Variants in LAMA5 observed in about 807,000 individuals in gnomAD.
LAMA5 encodes the protein laminin subunit alpha 5.
LAMA5 carries 260 observed loss-of-function variants against 433.4 expected under a neutral mutation model. The observed-to-expected ratio is 0.60, with a 90% confidence interval of 0.54 to 0.66. The LOEUF (loss-of-function observed/expected upper bound fraction) is 0.66. LAMA5 is among the 30% of genes least tolerant of loss of function. LAMA5 has a pLI of 0.00. For missense variants in LAMA5, 5,378 were observed against 5,258.5 expected, an observed-to-expected ratio of 1.02 and a Z score of -0.70; for synonymous variants, 2,620 against 2,226.6, an observed-to-expected ratio of 1.18 and a Z score of -4.97.
At chr20:62,322,201 C>T (rs1462814979) in intron 47 of LAMA5, 33 bp from the exon 48 acceptor site, 98 of 1,571,958 alleles carry the variant, frequency 6.2e-5, no homozygotes, top group Non-Finnish European at 8.4e-5. Flanking sequence ...GCATGGCTGG[C>T]CTGGGACCTT....
In LAMA5 at chr20:62,337,718, C is replaced by A. The variant is rs747901097; in HGVS notation, c.2036G>T (p.Cys679Phe). The A allele has an allele frequency of 3.1e-6, 5 of 1,608,784 alleles. No homozygotes were observed. The African/African-American group carries it at 5.3e-5, about 17-fold the overall frequency. The stretch of plus-strand genomic sequence containing the variant: ...TGCGTGCAGGGAGCCTTCAGCAGAG[C>A]AGTGGCAGGCTGCAGACAAGGATAG... ...HGFPSCVPCH[C>F]SAEGSLHAAC... Residue 679 changes from cysteine to phenylalanine, a missense_variant, in exon 16 of 80, where the codon TGC becomes TTC. Physicochemically the swap from Cys to Phe is radical, Grantham distance 205. Coordinates refer to ENST00000252999, the MANE Select transcript of LAMA5 (RefSeq NM_005560.6).
intron 6 of LAMA5, chr20:62,351,328 T>C (rs1984256753): frequency 5.9e-6 from 2 of 340,462 alleles, no homozygotes; most frequent in Admixed American, 4.2e-5. Context: ...TTCCGGGGGA[T>C]GCAGTCTTGG....
At chr20:62,336,612 G>C (rs535895850) in intron 17 of LAMA5, 122 bp downstream of exon 17, 1 of 1,272,498 alleles carries the variant, frequency 7.9e-7, no homozygotes, top group East Asian at 2.4e-5. Context: ...GGAGCAGACA[G>C]GCCCTGGGGT....
rs747841917 is a variant in LAMA5 at position 62,337,779 on chromosome 20, C to T, written c.2026+25G>A. 44 of 1,609,704 alleles carry T rather than the reference C, an allele frequency of 2.7e-5. No homozygotes were observed. The Admixed American group carries it at 3.2e-4, about 12-fold the overall frequency. On this transcript the variant is annotated intron_variant, in intron 15 of 79. Transcript: ENST00000252999. ...GCAGTGGAGACTGCACCTGCCTCCC[C>T]ACCACTTCCTCCCTAGGCACTCACG...
rs1983453257 is a variant in LAMA5 at position 62,346,810 on chromosome 20, G to A, written c.1073-10C>T. 12 of 1,610,546 alleles carry A rather than the reference G, an allele frequency of 7.5e-6. No homozygotes were observed. The highest frequency in any genetic ancestry group is 1.0e-5 in the Non-Finnish European group (12 of 1,178,432). ...CCGTAGCAGTTACAGGCTAGAGAGA[G>A]GGGAGCGCAGCTGTTGGCACGCCCT... is the stretch of plus-strand genomic sequence containing the variant. On this transcript the variant is annotated splice_polypyrimidine_tract_variant and intron_variant, in intron 7 of 79. Transcript: ENST00000252999.
intron 10 of LAMA5, 66 bp from the exon 11 acceptor site, chr20:62,345,943 CA>C: frequency 6.4e-7 from 1 of 1,559,152 alleles, no homozygotes; most frequent in Admixed American, 1.8e-5. Flanking sequence ...CACCCCCTGC[CA>C]CCCTTGGTCT....
chr20:62,339,488 G>C (rs1000639663), intron 11 of LAMA5, among the ~76,000 whole-genome samples: 11 of 151,902 alleles, frequency 7.2e-5, no homozygotes, highest in Non-Finnish European at 1.5e-4. Flanking sequence ...CGCCTGCCTC[G>C]GCCTCCCAAA....
chr20:62,311,602 C>T lies in LAMA5; in HGVS notation c.9806+12G>A. On this transcript the variant is annotated intron_variant, in intron 71 of 79. Coordinates refer to ENST00000252999, the MANE Select transcript of LAMA5 (RefSeq NM_005560.6). The stretch of plus-strand genomic sequence containing the variant: ...AGCTGGGACCTTGTCCCCCAGCGCC[C>T]ACCAGGCTCACCGCTGCACGAAGAC... The T allele has an allele frequency of 1.2e-6, 2 of 1,606,914 alleles. No homozygotes were observed. Among genetic ancestry groups the T allele is most frequent in the Non-Finnish European group, 1.7e-6 (2 of 1,177,772 alleles).
chr20:62,309,262 A>G lies in LAMA5; in HGVS notation c.*74T>C. The G allele has an allele frequency of 7.0e-7, 1 of 1,431,506 alleles. No homozygotes were observed. The highest frequency in any genetic ancestry group is 2.4e-5 in the East Asian group (1 of 42,496). The allele number at this position is 1,431,506 out of a possible 1,614,324, so 88.7% of individuals were successfully genotyped here. ...CGTAGAGCTTAGAGTCCAAATAGAC[A>G]CCTATGAGGCGAGCACAAGGGGCGG... On this transcript the variant is annotated 3_prime_UTR_variant, in exon 80 of 80. Transcript: ENST00000252999.
rs1203085352 is a variant in LAMA5 at position 62,331,117 on chromosome 20, G to C, written c.3565C>G (p.Leu1189Val). The change falls in exon 29 of 80, where the codon CTG (leucine) becomes GTG (valine). Residue 1189 changes from leucine to valine, a missense_variant. Physicochemically the swap from Leu to Val is conservative, Grantham distance 32. Transcript: ENST00000252999. Reference protein sequence around the residue: ...QARFFLHGVTLVPIEEFSPEF... With the variant: ...QARFFLHGVTVVPIEEFSPEF... The stretch of plus-strand genomic sequence containing the variant: ...GGGCTGAACTCCTCAATGGGCACCA[G>C]AGTGACCCCGTGCTGCAGGCAGAGG... 8 of 1,588,166 alleles carry C rather than the reference G, an allele frequency of 5.0e-6. No individual in the cohort carries two copies. In the African/African-American group the frequency reaches 9.5e-5, roughly 19 times the overall value.
In LAMA5 at chr20:62,337,893, G is replaced by A. The variant is rs143341174; in HGVS notation, c.1937C>T (p.Ala646Val). ...GGGGCGGCAGCGGCACAAACCTCCC[G>A]CCCCACAGAGCTGGTCCAGGGCTCC... is the stretch of plus-strand genomic sequence containing the variant. Reference protein sequence around the residue: ...PRGALDQLCGAGGLCRCRPGY... With the variant: ...PRGALDQLCGVGGLCRCRPGY... The change falls in exon 15 of 80, where the codon GCG (alanine) becomes GTG (valine). Residue 646 changes from alanine to valine, a missense_variant. Transcript: ENST00000252999. 8.1e-5 allele frequency: 130 copies of A among 1,612,046 alleles called. No individual in the cohort carries two copies. The highest frequency in any genetic ancestry group is 2.9e-4 in the East Asian group (13 of 44,836).
rs760352973 is a variant in LAMA5 at position 62,325,507 on chromosome 20, G to A, written c.5338C>T (p.Arg1780Cys). The change falls in exon 41 of 80, where the codon CGC (arginine) becomes TGC (cysteine). Residue 1780 changes from arginine (R) to cysteine (C), a missense_variant. Physicochemically the swap from Arg to Cys is radical, Grantham distance 180. Coordinates refer to ENST00000252999, the MANE Select transcript of LAMA5 (RefSeq NM_005560.6). ...GCCAGCACCATCATGAGCTCCTCGC[G>A]GGACACAGTGTTGCGCGTCTCCGTA... is the stretch of plus-strand genomic sequence containing the variant. Reference protein sequence around the residue: ...RHTETRNTVSREELMMVLASL... With the variant: ...RHTETRNTVSCEELMMVLASL... 1.9e-5 allele frequency: 31 copies of A among 1,612,354 alleles called. No individual in the cohort carries two copies. Among genetic ancestry groups the A allele is most frequent in the South Asian group, 5.5e-5 (5 of 91,044 alleles).
Position 62,314,604 on chromosome 20 carries a change from G to A in LAMA5, c.8318C>T (p.Pro2773Leu). Reference protein sequence around the residue: ...KFYLQGPEPEPGQGTEDRFVM... With the variant: ...KFYLQGPEPELGQGTEDRFVM... ...AAAGCGATCCTCGGTACCCTGCCCA[G>A]GCTCAGGCTCTGGGCCCTGCAGGTA... The change falls in exon 61 of 80, where the codon CCT (proline) becomes CTT (leucine). Residue 2773 changes from proline to leucine, a missense_variant. Physicochemically the swap from Pro to Leu is moderately conservative, Grantham distance 98. Transcript: ENST00000252999. 1 of 1,612,400 alleles carries A rather than the reference G, an allele frequency of 6.2e-7. No individual in the cohort carries two copies.
chr20:62,342,983 G>C (rs1982821763), intron 11 of LAMA5, among the ~76,000 whole-genome samples: 1 of 152,220 alleles, frequency 6.6e-6, no homozygotes, highest in Non-Finnish European at 1.5e-5. Context: ...ATTACTGAGT[G>C]CTTACTATGG....
At chr20:62,327,778 G>T in intron 36 of LAMA5, 88 bp downstream of exon 36, 1 of 1,570,904 alleles carries the variant, frequency 6.4e-7, no homozygotes. Flanking sequence ...CTTCTAGGAA[G>T]CCCCAGCTGC....
chr20:62,326,038 C>G (rs547358402), intron 40 of LAMA5, among the ~76,000 whole-genome samples: 51 of 151,980 alleles, frequency 3.4e-4, no homozygotes, highest in Middle Eastern at 3.4e-3. Flanking sequence ...CTGGCCAACA[C>G]GGCGAAACCC....
At chr20:62,332,271 T>C (rs1049132760) in intron 28 of LAMA5, 101 bp downstream of exon 28, 31 of 833,508 alleles carry the variant, frequency 3.7e-5, no homozygotes, top group African/African-American at 5.0e-5. Context: ...TGTGGCCGCC[T>C]TGGGGACCTG....
At position 62,312,004 on chromosome 20, in the gene LAMA5, T is replaced by C. The variant is rs577532789; in HGVS notation, c.9551A>G (p.Gln3184Arg). Residue 3184 changes from glutamine (Q) to arginine (R), a missense_variant, in exon 70 of 80, where the codon CAG (glutamine) becomes CGG (arginine). Gln to Arg is a conservative substitution (Grantham distance 43, BLOSUM62 1). Transcript: ENST00000252999. Reference sequence around the variant, plus strand: ...AGTTTTCACTTCAGTCCTCAGGAGCTGTAGGCTCACACGGCCCTGCTGCAG... The same window carrying C: ...AGTTTTCACTTCAGTCCTCAGGAGCCGTAGGCTCACACGGCCCTGCTGCAG... ...VSLQQGRVSL[Q>R]LLRTEVKTQA... 6.2e-7 allele frequency: 1 copy of C among 1,612,694 alleles called. No homozygotes were observed. Among genetic ancestry groups the C allele is most frequent in the Admixed American group, 1.7e-5 (1 of 60,008 alleles).
intron 11 of LAMA5, chr20:62,345,328 A>AT (rs374802968): frequency 0.22 from 27,652 of 124,880 alleles, 2,548 homozygotes; most frequent in African/African-American, 0.27. Flanking sequence ...TTTTTTTTCT[A>AT]TTTTTTTTTT....
Sources: allele counts gnomAD v4.1 joint callset (sites outside exome capture counted in the v4.1 genomes callset), GRCh38; gene constraint gnomAD v4.1.1; transcripts MANE v1.5; gene names NCBI Gene and HGNC (gene_info 2026-07-23, HGNC 2026-07-21).